The following RANBP2 variants were observed in gnomAD, a reference collection of about 807,000 sequenced individuals.
RANBP2 encodes E3 SUMO-protein ligase RanBP2.
Under a neutral mutation model 303.6 loss-of-function variants are expected in RANBP2, and 57 were observed. The observed-to-expected ratio is 0.19, with a 90% CI of 0.15 to 0.23. The LOEUF is 0.23. Among genes scored for constraint, RANBP2 ranks in the 10% least tolerant of loss-of-function variants. The pLI is 1.00. For missense variants in RANBP2, 3,138 were observed against 3,780.8 expected (o/e 0.83, Z 4.46); for synonymous variants, 1,167 against 1,301.5 (o/e 0.90, Z 2.23).
At chr2:109,500,755 C>T in the RANBP2 span, among the ~76,000 whole-genome samples, 3 of 152,080 alleles carry the variant, frequency 2.0e-5, no homozygotes, top group African/African-American at 7.2e-5. Flanking sequence ...TCAAGACCAG[C>T]CTGGGCAACA....
chr2:109,615,273 G>A, the RANBP2 span: 40 of 1,580,534 alleles, frequency 2.5e-5, no homozygotes, highest in Non-Finnish European at 3.2e-5. Flanking sequence ...CGGAGGCTCC[G>A]TGACGCTGGA....
At chr2:108,726,644 T>A (rs1473638339) in intron 1 of RANBP2, among the ~76,000 whole-genome samples, 1 of 151,912 alleles carries the variant, frequency 6.6e-6, no homozygotes, top group Non-Finnish European at 1.5e-5. Context: ...TTTTTTAATT[T>A]ATTTTTTTAT....
the RANBP2 span, among the ~76,000 whole-genome samples, chr2:109,047,639 T>A: frequency 3.3e-5 from 5 of 152,228 alleles, no homozygotes; most frequent in Non-Finnish European, 7.4e-5. Flanking sequence ...TGAAACCCCA[T>A]CTCTACTAAA....
chr2:109,485,014 G>A, the RANBP2 span, among the ~76,000 whole-genome samples: 1 of 152,246 alleles, frequency 6.6e-6, no homozygotes, highest in African/African-American at 2.4e-5. Context: ...TTCTGGTGCT[G>A]AAAATAGTAC....
chr2:109,138,331 A>T, the RANBP2 span, among the ~76,000 whole-genome samples: 1 of 152,206 alleles, frequency 6.6e-6, no homozygotes, highest in East Asian at 1.9e-4. Flanking sequence ...CTGGCCTCTC[A>T]GATAGAAATT....
the RANBP2 span, among the ~76,000 whole-genome samples, chr2:109,079,723 T>G: frequency 6.6e-6 from 1 of 152,164 alleles, no homozygotes; most frequent in South Asian, 2.1e-4. Flanking sequence ...CACATAACAC[T>G]CAAGGCCTGG....
the RANBP2 span, chr2:109,544,355 C>A: frequency 2.6e-6 from 4 of 1,553,966 alleles, no homozygotes; most frequent in Admixed American, 2.2e-5. Flanking sequence ...TTGATTGGTA[C>A]AATTTAAAAA....
chr2:109,333,488 G>T, the RANBP2 span, among the ~76,000 whole-genome samples: 5 of 152,192 alleles, frequency 3.3e-5, no homozygotes, highest in Non-Finnish European at 7.3e-5. Flanking sequence ...TACAAAGTGA[G>T]GTTTCACGTA....
chr2:109,447,165 A>AAAAG, the RANBP2 span, among the ~76,000 whole-genome samples: 3 of 148,646 alleles, frequency 2.0e-5, no homozygotes, highest in Admixed American at 1.3e-4. Context: ...AAAAAAAAAA[A>AAAAG]AAAGAAAAGA....
the RANBP2 span, among the ~76,000 whole-genome samples, chr2:109,693,296 C>T: frequency 2.6e-4 from 40 of 152,108 alleles, 1 homozygote; most frequent in South Asian, 8.3e-4. Context: ...CTCACCCTCC[C>T]GAGTAAGCTG....
At chr2:109,679,849 T>C in the RANBP2 span, among the ~76,000 whole-genome samples, 1 of 152,172 alleles carries the variant, frequency 6.6e-6, no homozygotes, top group Non-Finnish European at 1.5e-5. Flanking sequence ...TGAGAATCAC[T>C]GTGAATAAGT....
the RANBP2 span, among the ~76,000 whole-genome samples, chr2:109,682,564 T>C: frequency 6.6e-6 from 1 of 152,268 alleles, no homozygotes; most frequent in African/African-American, 2.4e-5. Flanking sequence ...ACTTTTTCCC[T>C]ACCTACATGA....
At position 108,753,860 on chromosome 2, in the gene RANBP2, T is replaced by C. The variant is rs1676098792; in HGVS notation, c.2091T>C (p.Asp697=). 1.9e-6 allele frequency: 3 copies of C among 1,612,028 alleles called. No individual in the cohort carries two copies. Among genetic ancestry groups the C allele is most frequent in the African/African-American group, 2.7e-5 (2 of 74,994 alleles). ...GGAAGGCAGAAGACATTGAAAATGATGCCCTTTCTCCTGAAGAACAAGAAG... is the reference window on the plus strand; with the variant it reads ...GGAAGGCAGAAGACATTGAAAATGACGCCCTTTCTCCTGAAGAACAAGAAG... ...FHRKAEDIEN[D]ALSPEEQEEC... The change falls in exon 15 of 29, where the codon GAT becomes GAC. Residue 697 remains aspartate (D), a synonymous_variant. Transcript: ENST00000283195.
At chr2:109,510,428 G>T in the RANBP2 span, among the ~76,000 whole-genome samples, 2 of 152,222 alleles carry the variant, frequency 1.3e-5, no homozygotes, top group African/African-American at 2.4e-5. Flanking sequence ...GGAGCAGACA[G>T]CCCCGAGGGT....
the RANBP2 span, chr2:109,398,725 G>A: frequency 1.9e-6 from 3 of 1,613,210 alleles, no homozygotes; most frequent in African/African-American, 1.3e-5. Context: ...AAGCAGCTCA[G>A]GGGCGGTCAG....
the RANBP2 span, chr2:108,798,708 TA>T: frequency 2.5e-6 from 1 of 394,720 alleles, no homozygotes; most frequent in African/African-American, 2.2e-5. Context: ...TCTCCACGCC[TA>T]CACACACACA....
At chr2:109,379,448 G>T in the RANBP2 span, among the ~76,000 whole-genome samples, 1 of 152,132 alleles carries the variant, frequency 6.6e-6, no homozygotes, top group African/African-American at 2.4e-5. Flanking sequence ...TTGTTTCACT[G>T]CTGGTGTTCC....
At chr2:109,249,974 G>A in the RANBP2 span, among the ~76,000 whole-genome samples, 10 of 151,802 alleles carry the variant, frequency 6.6e-5, no homozygotes, top group South Asian at 1.2e-3. Flanking sequence ...GTGAGCCACC[G>A]CGCCCGGCCT....
At chr2:109,524,114 C>T in the RANBP2 span, among the ~76,000 whole-genome samples, 2 of 152,222 alleles carry the variant, frequency 1.3e-5, no homozygotes, top group African/African-American at 4.8e-5. Context: ...GGCCTCCGTT[C>T]TGCACATCAT....
Sources: allele counts gnomAD v4.1 joint callset (sites outside exome capture counted in the v4.1 genomes callset), GRCh38; gene constraint gnomAD v4.1.1; transcripts MANE v1.5; gene names NCBI Gene and HGNC (gene_info 2026-07-23, HGNC 2026-07-21).